Variants in TJP2 observed in about 807,000 individuals in gnomAD.
The protein encoded by TJP2 is Friedreich ataxia region gene X104 (tight junction protein ZO-2).
A neutral mutation model predicts 133.1 loss-of-function variants in TJP2; 91 were observed. That is an observed-to-expected ratio of 0.68 (90% confidence interval 0.58 to 0.81). TJP2 has a LOEUF of 0.81. TJP2 is among the 40% of genes least tolerant of loss of function. The pLI, the probability that TJP2 is intolerant of heterozygous loss-of-function variation, is 0.00. For missense variants in TJP2, 1,541 were observed against 1,565.6 expected, an observed-to-expected ratio of 0.98 and a Z score of 0.26; for synonymous variants, 592 against 583.4, an observed-to-expected ratio of 1.01 and a Z score of -0.21.
rs1422388365 is a variant in TJP2, at chr9:69,128,232, T to G, written c.-131+6507T>G. ...GAACACTCATGTACAAGTTTTTATG[T>G]GGACATACATTTTCATTTGCTAGAG... is the stretch of plus-strand genomic sequence containing the variant. On this transcript the variant is annotated intron_variant, in intron 1 of 5. Coordinates refer to the TJP2 transcript ENST00000423935. Among the ~76,000 whole-genome samples, 6 of 77,478 alleles carry G rather than the reference T, an allele frequency of 7.7e-5. 2 individuals carry two copies. Among genetic ancestry groups the G allele is most frequent in the Admixed American group, 3.7e-4 (2 of 5,360 alleles). The allele number at this position is 77,478 out of a possible 152,430, so 50.8% of individuals were successfully genotyped here.
rs576743968 is a variant in TJP2 at position 69,141,564 on chromosome 9, T to G, written c.-130-10087T>G. ...GAGAGGAAGGGAGGGAGGGATGATA[T>G]CCACCGAATGTATATACATTACGGC... is the stretch of plus-strand genomic sequence containing the variant. On this transcript the variant is annotated intron_variant, in intron 1 of 5. Coordinates refer to the TJP2 transcript ENST00000423935. Among the ~76,000 whole-genome samples, 417 of 152,228 alleles carry G rather than the reference T, an allele frequency of 2.7e-3. 1 individual carries two copies. The highest frequency in any genetic ancestry group is 8.2e-3 in the African/African-American group (341 of 41,534).
intron 1 of TJP2, among the ~76,000 whole-genome samples, chr9:69,188,562 T>C (rs1470659555): frequency 1.3e-5 from 2 of 152,198 alleles, no homozygotes; most frequent in Admixed American, 6.5e-5. Context: ...TGAAAGTGCA[T>C]AGAAATATTT....
chr9:69,166,771 A>T (rs1265269611), intron 2 of TJP2, among the ~76,000 whole-genome samples: 1 of 152,000 alleles, frequency 6.6e-6, no homozygotes, highest in Non-Finnish European at 1.5e-5. Context: ...AGCCTTAAAA[A>T]TATATTTTTT....
intron 1 of TJP2, among the ~76,000 whole-genome samples, chr9:69,145,396 T>C (rs931516409): frequency 1.3e-5 from 2 of 152,262 alleles, no homozygotes; most frequent in Non-Finnish European, 2.9e-5. Context: ...CAAAGATTTA[T>C]GTGCGGATTA....
intron 1 of TJP2, among the ~76,000 whole-genome samples, chr9:69,181,430 G>T (rs1825502984): frequency 1.3e-5 from 2 of 151,722 alleles, no homozygotes; most frequent in African/African-American, 4.8e-5. Context: ...TTGTATCTTT[G>T]GTAGAGACGG....
At chr9:69,236,658 G>A (rs1348934729) in intron 13 of TJP2, among the ~76,000 whole-genome samples, 1 of 152,146 alleles carries the variant, frequency 6.6e-6, no homozygotes, top group Non-Finnish European at 1.5e-5. Flanking sequence ...AAAGAGGCCT[G>A]TATTTGAGCA....
At chr9:69,213,717 G>A (rs552636056) in intron 2 of TJP2, among the ~76,000 whole-genome samples, 11 of 152,180 alleles carry the variant, frequency 7.2e-5, no homozygotes, top group South Asian at 2.1e-4. Flanking sequence ...AACTTTCCTC[G>A]TCTTTCTGAC....
intron 1 of TJP2, among the ~76,000 whole-genome samples, chr9:69,194,362 C>T (rs1210855868): frequency 1.3e-5 from 2 of 152,042 alleles, no homozygotes; most frequent in Admixed American, 6.6e-5. Flanking sequence ...CTTAAAAATG[C>T]CGTTTGATCT....
chr9:69,236,310 T>G, intron 13 of TJP2, 72 bp downstream of exon 13: 1 of 1,494,528 alleles, frequency 6.7e-7, no homozygotes, highest in Non-Finnish European at 9.2e-7. Context: ...CCGCCCCCCT[T>G]CCCCCGTAAA....
chr9:69,159,923 TTC>T (rs1440915030), intron 2 of TJP2, among the ~76,000 whole-genome samples: 1 of 143,494 alleles, frequency 7.0e-6, no homozygotes, highest in Non-Finnish European at 1.5e-5. Context: ...GTGTGTGTGT[TTC>T]TTTTTTTTTC....
intron 12 of TJP2, among the ~76,000 whole-genome samples, chr9:69,235,158 G>C (rs1486151534): frequency 6.6e-6 from 1 of 152,214 alleles, no homozygotes; most frequent in Non-Finnish European, 1.5e-5. Context: ...AGGAGAGCCA[G>C]TGATTTAGTT....
intron 1 of TJP2, among the ~76,000 whole-genome samples, chr9:69,137,269 CTTT>C (rs373311468): frequency 1.2e-5 from 1 of 84,530 alleles, no homozygotes; most frequent in Non-Finnish European, 2.2e-5. Flanking sequence ...TTCTTTCTTT[CTTT>C]TTCTTTCTTT....
intron 1 of TJP2, among the ~76,000 whole-genome samples, chr9:69,129,380 C>G (rs140616963): frequency 2.0e-5 from 3 of 151,670 alleles, no homozygotes; most frequent in Admixed American, 2.0e-4. Context: ...GGCATGGTGG[C>G]GTGTGCTGTC....
chr9:69,173,848 G>T (rs541873973), upstream of TJP2, among the ~76,000 whole-genome samples: 3 of 152,316 alleles, frequency 2.0e-5, no homozygotes, highest in East Asian at 5.8e-4. Context: ...AGCAGCGCCC[G>T]GAGCTCACTC....
chr9:69,241,737 TG>T (rs775346705), intron 17 of TJP2, among the ~76,000 whole-genome samples: 264 of 152,336 alleles, frequency 1.7e-3, no homozygotes, highest in Non-Finnish European at 2.7e-3. Context: ...CAGCCTTCCA[TG>T]TGTGCTGTCT....
intron 1 of TJP2, among the ~76,000 whole-genome samples, chr9:69,140,707 C>T (rs567324968): frequency 1.3e-5 from 2 of 152,334 alleles, no homozygotes; most frequent in East Asian, 1.9e-4. Context: ...TGTGCAACAC[C>T]TCATCGCTCA....
At chr9:69,234,893 C>A (rs550049262) in intron 12 of TJP2, among the ~76,000 whole-genome samples, 1 of 152,256 alleles carries the variant, frequency 6.6e-6, no homozygotes, top group East Asian at 1.9e-4. Flanking sequence ...GCGCCTGTTA[C>A]CCCTGTCCAG....
rs143353004 is a variant in TJP2 at position 69,135,079 on chromosome 9, G to A, written c.-131+13354G>A. Reference sequence around the variant, plus strand: ...CACCCTCATGACCTCATCTAAACCTGATTACCTCCCAAAAGTCCTATCTCC... The same window carrying A: ...CACCCTCATGACCTCATCTAAACCTAATTACCTCCCAAAAGTCCTATCTCC... On this transcript the variant is annotated intron_variant, in intron 1 of 5. Transcript: ENST00000423935. 9.6e-3 allele frequency among the ~76,000 whole-genome samples: 1,453 copies of A among 152,026 alleles called. 30 individuals carry two copies. The highest frequency in any genetic ancestry group is 0.032 in the African/African-American group (1,332 of 41,426).
At chr9:69,228,272 C>T (rs1318547828) in intron 9 of TJP2, among the ~76,000 whole-genome samples, 158 bp downstream of exon 9, 1 of 152,178 alleles carries the variant, frequency 6.6e-6, no homozygotes, top group African/African-American at 2.4e-5. Context: ...AACCACACAG[C>T]ACATGTTCTG....
Sources: allele counts gnomAD v4.1 joint callset (sites outside exome capture counted in the v4.1 genomes callset), GRCh38; gene constraint gnomAD v4.1.1; transcripts MANE v1.5; gene names NCBI Gene and HGNC (gene_info 2026-07-23, HGNC 2026-07-21).